Variants in MACROD1 observed in about 807,000 individuals in gnomAD.
The protein encoded by MACROD1 is mono-ADP ribosylhydrolase 1.
In MACROD1, 31 loss-of-function variants were observed where a neutral mutation model predicts 41.4. The ratio of observed to expected loss-of-function variants is 0.75; its 90% confidence interval spans 0.56 to 1.01. MACROD1 has a LOEUF of 1.01. MACROD1 is among the 50% of genes least tolerant of loss of function. The probability of loss-of-function intolerance (pLI) is 0.00; values close to 1 mark genes in which losing one functional copy is unlikely to be tolerated. For synonymous variants in MACROD1, 252 were observed against 203.4 expected (o/e 1.24, Z -2.03); for missense variants, 473 against 460.0 (o/e 1.03, Z -0.26).
chr11:64,079,464 G>T (rs1944265835), intron 3 of MACROD1, among the ~76,000 whole-genome samples: 1 of 152,164 alleles, frequency 6.6e-6, no homozygotes, highest in Admixed American at 6.5e-5. Flanking sequence ...TGAGCAGCCG[G>T]GCACGCAGGG....
intron 4 of MACROD1, among the ~76,000 whole-genome samples, chr11:64,000,811 C>T (rs1344981739): frequency 6.6e-6 from 1 of 152,158 alleles, no homozygotes; most frequent in African/African-American, 2.4e-5. Context: ...GATCCCAAGG[C>T]CCACCTCCCC....
At chr11:64,148,567 T>C (rs913344736) in intron 3 of MACROD1, among the ~76,000 whole-genome samples, 2 of 152,296 alleles carry the variant, frequency 1.3e-5, no homozygotes, top group African/African-American at 4.8e-5. Flanking sequence ...CTCTGGCTTA[T>C]TGTGGTGGCT....
At chr11:64,033,218 C>T (rs565509870) in intron 3 of MACROD1, among the ~76,000 whole-genome samples, 1 of 152,148 alleles carries the variant, frequency 6.6e-6, no homozygotes, top group African/African-American at 2.4e-5. Context: ...TTTGCCAGGG[C>T]GAGATCCAGC....
intron 3 of MACROD1, among the ~76,000 whole-genome samples, chr11:64,132,859 A>G (rs1945284870): frequency 6.6e-6 from 1 of 152,216 alleles, no homozygotes; most frequent in Non-Finnish European, 1.5e-5. Context: ...GAGGTGCGGC[A>G]GGCTGGCTTA....
At chr11:64,097,192 C>G (rs1944591918) in intron 3 of MACROD1, among the ~76,000 whole-genome samples, 1 of 152,230 alleles carries the variant, frequency 6.6e-6, no homozygotes, top group African/African-American at 2.4e-5. Context: ...CCTGGCAGAA[C>G]TGGGCCTCCA....
chr11:64,086,701 G>A (rs1944401704), intron 3 of MACROD1, among the ~76,000 whole-genome samples: 1 of 152,186 alleles, frequency 6.6e-6, no homozygotes, highest in Non-Finnish European at 1.5e-5. Context: ...CAGAGAGGGG[G>A]AGAAGGGCAT....
At chr11:64,037,690 C>T (rs1445059837) in intron 3 of MACROD1, among the ~76,000 whole-genome samples, 1 of 152,134 alleles carries the variant, frequency 6.6e-6, no homozygotes, top group African/African-American at 2.4e-5. Context: ...CTTTCCCAGA[C>T]ACAGAGACTG....
chr11:64,106,234 A>G (rs952129096), intron 3 of MACROD1, among the ~76,000 whole-genome samples: 14 of 152,068 alleles, frequency 9.2e-5, no homozygotes, highest in Admixed American at 7.2e-4. Context: ...CTGCTGCACA[A>G]TCCAGACCTT....
intron 3 of MACROD1, among the ~76,000 whole-genome samples, chr11:64,024,006 A>T (rs1038847527): frequency 1.3e-5 from 2 of 151,948 alleles, no homozygotes; most frequent in Admixed American, 1.3e-4. Flanking sequence ...TCTCACCCCA[A>T]GCTGTCCCCT....
chr11:64,133,118 C>T lies in MACROD1; in HGVS notation c.517+18121G>A, dbSNP rs60095771. 2.3e-3 allele frequency among the ~76,000 whole-genome samples: 343 copies of T among 152,300 alleles called. 4 individuals are homozygous for T. The East Asian group carries it at 0.056, about 25-fold the overall frequency. On this transcript the variant is annotated intron_variant, in intron 3 of 10. Coordinates refer to ENST00000255681, the MANE Select transcript of MACROD1 (RefSeq NM_014067.4). The stretch of plus-strand genomic sequence containing the variant: ...CCCAGGAAGACCTCCCACAGGAAGC[C>T]GTCCCTGAGCAGCCCCCAGCGCCTT...
Position 63,998,617 on chromosome 11 carries a change from TGGCCAGGCCCA to T in MACROD1, c.*90_*100del, listed in dbSNP as rs1328640936. The T allele has an allele frequency of 1.4e-5, 18 of 1,273,652 alleles. No homozygotes were observed. In the Admixed American group the frequency reaches 2.7e-4, roughly 19 times the overall value. 78.9% of individuals were successfully genotyped at this position (1,273,652 alleles called of 1,614,324 possible). A position where few individuals can be genotyped will look rare whatever the true frequency, so the allele number is the denominator to read the frequency against. On this transcript the variant is annotated 3_prime_UTR_variant, in exon 11 of 11. Coordinates refer to ENST00000255681, the MANE Select transcript of MACROD1 (RefSeq NM_014067.4). ...GCGGGGCGCGGAGGGAAAGAAGGGG[TGGCCAGGCCCA>T]GGCCAGGCTGCAGGCTTTGGCGACC...
chr11:64,115,381 CTT>C (rs111536886), intron 3 of MACROD1, among the ~76,000 whole-genome samples: 10 of 145,846 alleles, frequency 6.9e-5, no homozygotes, highest in Admixed American at 1.4e-4. Flanking sequence ...AAACAGACCA[CTT>C]TTTTTTTTTT....
chr11:64,117,638 C>T (rs1209847008), intron 3 of MACROD1: 1 of 1,613,776 alleles, frequency 6.2e-7, no homozygotes, highest in South Asian at 1.1e-5. Flanking sequence ...CGTGGAAGGC[C>T]ACGCTCCCCG....
intron 3 of MACROD1, among the ~76,000 whole-genome samples, chr11:64,149,478 A>G (rs1439651213): frequency 2.0e-5 from 3 of 152,172 alleles, no homozygotes; most frequent in Non-Finnish European, 4.4e-5. Context: ...GCGACTCCCA[A>G]GGGCACTTAG....
intron 4 of MACROD1, among the ~76,000 whole-genome samples, chr11:64,014,981 G>T (rs1298754870): frequency 6.6e-6 from 1 of 152,226 alleles, no homozygotes; most frequent in Non-Finnish European, 1.5e-5. Context: ...GTCAGGGCTG[G>T]GTTTTTTCCA....
At chr11:64,164,087 A>G (rs1295133751) in intron 1 of MACROD1, among the ~76,000 whole-genome samples, 1 of 152,244 alleles carries the variant, frequency 6.6e-6, no homozygotes, top group Non-Finnish European at 1.5e-5. Context: ...CTCAGCTGCT[A>G]GAACACATTC....
At chr11:64,051,789 C>T (rs2134414078) in intron 3 of MACROD1, among the ~76,000 whole-genome samples, 1 of 152,216 alleles carries the variant, frequency 6.6e-6, no homozygotes, top group Admixed American at 6.5e-5. Flanking sequence ...GTGCCCATTG[C>T]CCATGGCTTC....
At chr11:63,999,865 C>A (rs979429013) in intron 5 of MACROD1, 102 bp from the exon 6 acceptor site, 1 of 1,320,168 alleles carries the variant, frequency 7.6e-7, no homozygotes, top group Admixed American at 2.4e-5. Flanking sequence ...AAACACCTTT[C>A]CCCCCAAGCG....
At chr11:64,091,396 G>A (rs1944487623) in intron 3 of MACROD1, among the ~76,000 whole-genome samples, 2 of 151,956 alleles carry the variant, frequency 1.3e-5, no homozygotes. Flanking sequence ...GCCAGGTAGG[G>A]AGGTTGGGGG....
Sources: gnomAD v4.1 joint callset for allele counts (sites outside exome capture counted in the v4.1 genomes callset) on GRCh38, gnomAD v4.1.1 for gene constraint, MANE v1.5 for transcripts, NCBI Gene and HGNC (gene_info 2026-07-23, HGNC 2026-07-21) for gene names.